BRAF: variants seen among roughly 807,000 people sequenced by gnomAD.
The protein encoded by BRAF is B-Raf proto-oncogene, serine/threonine kinase, also known as serine/threonine-protein kinase B-raf.
BRAF carries 16 observed loss-of-function variants against 104.6 expected under a neutral mutation model. The ratio of observed to expected loss-of-function variants is 0.15; its 90% CI spans 0.10 to 0.23. BRAF has a LOEUF of 0.23. Among genes scored for constraint, BRAF ranks in the 10% least tolerant of loss-of-function variants. The probability of loss-of-function intolerance (pLI) is 1.00; values close to 1 mark genes in which losing one functional copy is unlikely to be tolerated. For synonymous variants in BRAF, 310 were observed against 341.6 expected (o/e 0.91, Z 1.02); for missense variants, 541 against 937.3 (o/e 0.58, Z 5.52).
At chr7:140,895,860 T>C (rs1814827820) in intron 1 of BRAF, among the ~76,000 whole-genome samples, 1 of 152,138 alleles carries the variant, frequency 6.6e-6, no homozygotes, top group South Asian at 2.1e-4. Context: ...TTGGCTACTG[T>C]GAATAGTGTG....
At chr7:140,727,787 AT>A (rs1418091450) in intron 19 of BRAF, among the ~76,000 whole-genome samples, 2 of 151,766 alleles carry the variant, frequency 1.3e-5, no homozygotes, top group Non-Finnish European at 2.9e-5. Context: ...CGCCCGGCTA[AT>A]TTTTTTGTAT....
At chr7:140,910,321 A>G (rs763507421) in intron 1 of BRAF, among the ~76,000 whole-genome samples, 19 of 152,162 alleles carry the variant, frequency 1.2e-4, no homozygotes, top group Non-Finnish European at 1.9e-4. Flanking sequence ...CTACCTACCT[A>G]AATTAAACCT....
At chr7:140,773,097 T>G (rs936001278) in intron 14 of BRAF, among the ~76,000 whole-genome samples, 1 of 152,116 alleles carries the variant, frequency 6.6e-6, no homozygotes, top group African/African-American at 2.4e-5. Flanking sequence ...AACTGATAGG[T>G]TTTTTGGAGG....
chr7:140,880,625 T>C (rs1335165645), intron 1 of BRAF, among the ~76,000 whole-genome samples: 2 of 152,190 alleles, frequency 1.3e-5, no homozygotes, highest in Admixed American at 6.5e-5. Context: ...ATGGCAGCTA[T>C]AGCCTAATAA....
At chr7:140,732,922 A>G (rs1175308080) in intron 19 of BRAF, 1 of 152,138 alleles carries the variant, frequency 6.6e-6, no homozygotes, top group African/African-American at 2.4e-5. Flanking sequence ...ATAAAACCCT[A>G]TCTAACAATT....
intron 1 of BRAF, among the ~76,000 whole-genome samples, chr7:140,889,472 A>C (rs1813967537): frequency 6.6e-6 from 1 of 152,186 alleles, no homozygotes; most frequent in Non-Finnish European, 1.5e-5. Flanking sequence ...AGCATAAATA[A>C]AACAGATATC....
chr7:140,749,214 A>G, intron 17 of BRAF, 73 bp downstream of exon 16: 1 of 1,590,914 alleles, frequency 6.3e-7, no homozygotes, highest in Non-Finnish European at 8.6e-7. Context: ...CCCAGGAGTT[A>G]ACACTTATTT....
In BRAF at chr7:140,752,773, G is replaced by A. The variant is rs533198092; in HGVS notation, c.1980+502C>T. Among the ~76,000 whole-genome samples, 22 of 152,016 alleles carry A rather than the reference G, an allele frequency of 1.4e-4. No individual in the cohort carries two copies. The South Asian group carries it at 1.5e-3, about 10-fold the overall frequency. ...CCAATTTAGGCTTAAATAAGATTGC[G>A]AAACAGCTTCTCTGTTAAAAGGAGT... On this transcript the variant is annotated intron_variant, in intron 16 of 19. Coordinates refer to ENST00000644969, the MANE Select transcript of BRAF (RefSeq NM_001374258.1).
At chr7:140,753,095 G>A (rs766693103) in intron 16 of BRAF, among the ~76,000 whole-genome samples, 180 bp downstream of exon 15, 17 of 151,776 alleles carry the variant, frequency 1.1e-4, no homozygotes, top group Admixed American at 2.0e-4. Flanking sequence ...CAAAATATTC[G>A]TTTTAAGGGT....
At chr7:140,906,934 T>C (rs1250402810) in intron 1 of BRAF, among the ~76,000 whole-genome samples, 2 of 152,232 alleles carry the variant, frequency 1.3e-5, no homozygotes, top group Non-Finnish European at 2.9e-5. Flanking sequence ...ATTAACCTTC[T>C]TAAATCAATC....
At chr7:140,778,291 A>G (rs1209185410) in intron 12 of BRAF, among the ~76,000 whole-genome samples, 3 of 152,178 alleles carry the variant, frequency 2.0e-5, no homozygotes, top group Non-Finnish European at 4.4e-5. Context: ...CAAAATATCA[A>G]TCCAAAAAAT....
At chr7:140,918,641 A>T (rs1181949633) in intron 1 of BRAF, among the ~76,000 whole-genome samples, 1 of 152,206 alleles carries the variant, frequency 6.6e-6, no homozygotes, top group Non-Finnish European at 1.5e-5. Flanking sequence ...TTTGGCTGTC[A>T]ATTTCATAAG....
intron 3 of BRAF, among the ~76,000 whole-genome samples, chr7:140,830,981 T>A (rs1413005565): frequency 6.6e-6 from 1 of 152,168 alleles, no homozygotes; most frequent in Non-Finnish European, 1.5e-5. Flanking sequence ...AATCCTTGAT[T>A]TATAGCCAGC....
intron 1 of BRAF, among the ~76,000 whole-genome samples, chr7:140,860,298 A>G (rs951599100): frequency 3.9e-5 from 6 of 152,104 alleles, no homozygotes; most frequent in Admixed American, 3.9e-4. Context: ...AATGGGCAAA[A>G]GACTTATGAA....
chr7:140,747,915 G>T (rs1437372187), intron 17 of BRAF, among the ~76,000 whole-genome samples: 2 of 152,120 alleles, frequency 1.3e-5, no homozygotes, highest in African/African-American at 4.8e-5. Flanking sequence ...TTTCCTGCAG[G>T]CTTAAAACAT....
rs563755059 is a variant in BRAF, at chr7:140,878,878, T to A, written c.139-28666A>T. Among the ~76,000 whole-genome samples, 18 of 150,972 alleles carry A rather than the reference T, an allele frequency of 1.2e-4. No homozygotes were observed. In the South Asian group the frequency reaches 1.5e-3, roughly 12 times the overall value. On this transcript the variant is annotated intron_variant, in intron 1 of 19. Transcript: ENST00000644969. Reference sequence around the variant, plus strand: ...AATATATATAATCATTATGTATCCATTTTTTTTTCCTTTGAGACGGAGTCT... The same window carrying A: ...AATATATATAATCATTATGTATCCAATTTTTTTTCCTTTGAGACGGAGTCT...
At chr7:140,842,888 G>A (rs1167078754) in intron 2 of BRAF, among the ~76,000 whole-genome samples, 3 of 152,140 alleles carry the variant, frequency 2.0e-5, no homozygotes, top group Admixed American at 1.3e-4. Flanking sequence ...AAATTAGTAC[G>A]TGGGAAAAAG....
intron 2 of BRAF, among the ~76,000 whole-genome samples, chr7:140,836,630 A>C (rs1271868615): frequency 6.6e-6 from 1 of 152,176 alleles, no homozygotes; most frequent in Non-Finnish European, 1.5e-5. Flanking sequence ...ATAGATTCCA[A>C]ATTTTCTGAG....
chr7:140,859,310 T>G (rs1008138376), intron 1 of BRAF, among the ~76,000 whole-genome samples: 1 of 152,154 alleles, frequency 6.6e-6, no homozygotes, highest in Non-Finnish European at 1.5e-5. Flanking sequence ...ACTGATGGCT[T>G]TCCCTAGTAA....
Sources: allele counts gnomAD v4.1 joint callset (sites outside exome capture counted in the v4.1 genomes callset), GRCh38; gene constraint gnomAD v4.1.1; transcripts MANE v1.5; gene names NCBI Gene and HGNC (gene_info 2026-07-23, HGNC 2026-07-21).